LINGO2: variants seen among roughly 807,000 people sequenced by gnomAD.
The protein encoded by LINGO2 is leucine-rich repeat and immunoglobulin-like domain-containing nogo receptor-interacting protein 2.
Under a neutral mutation model 30.6 loss-of-function variants are expected in LINGO2, and 14 were observed. That is an observed-to-expected ratio of 0.46 (90% confidence interval 0.30 to 0.72). The LOEUF is 0.72. Ranked by LOEUF, LINGO2 falls within the 30% of genes least tolerant of loss-of-function variation. The probability of loss-of-function intolerance (pLI) is 0.07; values close to 1 mark genes in which losing one functional copy is unlikely to be tolerated. For synonymous variants in LINGO2, 317 were observed against 288.5 expected (o/e 1.10, Z -1.00); for missense variants, 729 against 751.7 (o/e 0.97, Z 0.35).
chr9:28,172,035 A>AAAAC (rs1554682057), intron 4 of LINGO2, among the ~76,000 whole-genome samples: 13 of 49,452 alleles, frequency 2.6e-4, no homozygotes, highest in African/African-American at 1.2e-3. Flanking sequence ...AAAAAAAAAC[A>AAAAC]AAAAAAAAAA....
chr9:28,620,789 A>G (rs1826354890), intron 1 of LINGO2, among the ~76,000 whole-genome samples: 1 of 152,074 alleles, frequency 6.6e-6, no homozygotes, highest in Non-Finnish European at 1.5e-5. Flanking sequence ...GAACACATAG[A>G]TACACAAAGA....
downstream of LINGO2, among the ~76,000 whole-genome samples, chr9:27,945,698 A>C (rs1587498052): frequency 6.6e-6 from 1 of 152,144 alleles, no homozygotes; most frequent in Admixed American, 6.5e-5. Context: ...CAAAGAGGTA[A>C]TCAGAAGCCA....
intron 5 of LINGO2, among the ~76,000 whole-genome samples, chr9:27,972,294 C>T (rs917823461): frequency 5.3e-5 from 8 of 152,032 alleles, no homozygotes; most frequent in Non-Finnish European, 1.0e-4. Flanking sequence ...CTGATTACTG[C>T]GTAAAGGAGT....
At chr9:28,091,688 A>G (rs1043626666) in intron 4 of LINGO2, among the ~76,000 whole-genome samples, 3 of 152,194 alleles carry the variant, frequency 2.0e-5, no homozygotes, top group African/African-American at 7.2e-5. Flanking sequence ...ACAAAAGCCA[A>G]TATTGACAAA....
intron 4 of LINGO2, among the ~76,000 whole-genome samples, chr9:28,260,963 G>T (rs927904498): frequency 2.8e-4 from 42 of 151,846 alleles, no homozygotes; most frequent in African/African-American, 8.9e-4. Context: ...CAGAAATCTT[G>T]GTCTGTGTGC....
chr9:28,152,840 C>T (rs1345517256), intron 4 of LINGO2, among the ~76,000 whole-genome samples: 1 of 152,002 alleles, frequency 6.6e-6, no homozygotes, highest in Admixed American at 6.6e-5. Flanking sequence ...ATGTGAAAGA[C>T]ATAAAGAAAA....
chr9:29,060,758 A>G, the LINGO2 span, among the ~76,000 whole-genome samples: 13 of 151,930 alleles, frequency 8.6e-5, no homozygotes, highest in African/African-American at 2.9e-4. Context: ...TTTGAAATTA[A>G]AAAAAACTTA....
At chr9:29,208,600 T>C in the LINGO2 span, among the ~76,000 whole-genome samples, 1 of 152,154 alleles carries the variant, frequency 6.6e-6, no homozygotes, top group South Asian at 2.1e-4. Flanking sequence ...TCTTTAAATA[T>C]ATTTTATTTA....
intron 1 of LINGO2, among the ~76,000 whole-genome samples, chr9:28,607,544 C>A (rs1298330747): frequency 6.6e-6 from 1 of 152,018 alleles, no homozygotes; most frequent in Non-Finnish European, 1.5e-5. Context: ...TGCCATAGAA[C>A]TTTCACTCTG....
intron 1 of LINGO2, among the ~76,000 whole-genome samples, chr9:28,513,339 G>C (rs920644368): frequency 3.3e-5 from 5 of 152,160 alleles, no homozygotes; most frequent in Non-Finnish European, 7.3e-5. Context: ...CAGACTCAAA[G>C]TGAATATTCT....
At chr9:29,159,908 A>G in the LINGO2 span, among the ~76,000 whole-genome samples, 1 of 152,204 alleles carries the variant, frequency 6.6e-6, no homozygotes, top group Admixed American at 6.5e-5. Context: ...ACAACCACCT[A>G]ACATGTAGGG....
At chr9:29,212,808 C>G in the LINGO2 span, among the ~76,000 whole-genome samples, 1 of 152,204 alleles carries the variant, frequency 6.6e-6, no homozygotes, top group Non-Finnish European at 1.5e-5. Flanking sequence ...CGTGCGATCG[C>G]GTAGCGACGC....
intron 2 of LINGO2, among the ~76,000 whole-genome samples, chr9:28,401,527 A>G (rs910015696): frequency 1.3e-4 from 20 of 152,000 alleles, no homozygotes; most frequent in Admixed American, 1.2e-3. Context: ...TTTTTATCCA[A>G]TCTGTTACTG....
chr9:28,418,008 C>G (rs1301394019), intron 2 of LINGO2, among the ~76,000 whole-genome samples: 2 of 152,118 alleles, frequency 1.3e-5, no homozygotes, highest in Non-Finnish European at 2.9e-5. Context: ...AGACTTGAAG[C>G]ACTAAAAACT....
intron 5 of LINGO2, among the ~76,000 whole-genome samples, chr9:27,991,430 A>G (rs772270499): frequency 4.6e-5 from 7 of 152,028 alleles, no homozygotes; most frequent in Admixed American, 6.6e-5. Context: ...CTGTGTTCAG[A>G]TGATAAATCA....
intron 1 of LINGO2, among the ~76,000 whole-genome samples, chr9:28,552,033 C>T (rs926525386): frequency 1.2e-4 from 18 of 151,868 alleles, no homozygotes; most frequent in African/African-American, 3.9e-4. Context: ...GTTGCCATTG[C>T]TTTCTGTGTT....
At chr9:28,116,890 G>A (rs1228765266) in intron 4 of LINGO2, among the ~76,000 whole-genome samples, 2 of 65,158 alleles carry the variant, frequency 3.1e-5, no homozygotes, top group Non-Finnish European at 6.6e-5. Context: ...TAATTTGATC[G>A]TCTGAAGCCT....
At chr9:28,737,433 C>T in the LINGO2 span, among the ~76,000 whole-genome samples, 1 of 152,192 alleles carries the variant, frequency 6.6e-6, no homozygotes, top group Non-Finnish European at 1.5e-5. Context: ...CTAAGTCTTG[C>T]ATGGCTTGTT....
chr9:28,323,671 A>G (rs998054845), intron 3 of LINGO2, among the ~76,000 whole-genome samples: 11 of 152,170 alleles, frequency 7.2e-5, no homozygotes, highest in African/African-American at 2.2e-4. Context: ...AAATAACTCC[A>G]GAGCGTAGCA....
Sources: gnomAD v4.1 joint callset for allele counts (sites outside exome capture counted in the v4.1 genomes callset) on GRCh38, gnomAD v4.1.1 for gene constraint, MANE v1.5 for transcripts, NCBI Gene and HGNC (gene_info 2026-07-23, HGNC 2026-07-21) for gene names.